CCR5AS: variants seen among roughly 807,000 people sequenced by gnomAD.
CCR5AS encodes the protein CCR5 antisense RNA.
chr3:46,394,866 G>A (rs1346430303), intron 1 of CCR5AS, among the ~76,000 whole-genome samples: 2 of 152,202 alleles, frequency 1.3e-5, no homozygotes, highest in Non-Finnish European at 2.9e-5. Flanking sequence ...GACAGGTGGG[G>A]ATGGCCTTGC....
chr3:46,401,905 A>G (rs537881006), intron 1 of CCR5AS, among the ~76,000 whole-genome samples: 1 of 152,106 alleles, frequency 6.6e-6, no homozygotes, highest in South Asian at 2.1e-4. Context: ...TACCTGTATG[A>G]AAATTTTAAA....
intron 2 of CCR5AS, chr3:46,373,597 G>C (rs1467951341): frequency 6.2e-7 from 1 of 1,613,826 alleles, no homozygotes; most frequent in East Asian, 2.2e-5. Flanking sequence ...AAGAGGCACA[G>C]GGCTGTGAGG....
At position 46,373,066 on chromosome 3, in the gene CCR5AS, T is replaced by A. The variant is rs1799863; in HGVS notation, n.392-1649A>T. 31,129 of 1,614,198 alleles carry A rather than the reference T, an allele frequency of 0.019. 349 individuals carry two copies. Among genetic ancestry groups the A allele is most frequent in the Non-Finnish European group, 0.024 (27,999 of 1,180,020 alleles). ...GGCAACATGCTGGTCATCCTCATCCTGATAAACTGCAAAAGGCTGAAGAGC... is the reference window on the plus strand; with the variant it reads ...GGCAACATGCTGGTCATCCTCATCCAGATAAACTGCAAAAGGCTGAAGAGC... On this transcript the variant is annotated intron_variant and non_coding_transcript_variant, in intron 2 of 3. Coordinates refer to ENST00000451485, the Ensembl canonical transcript of CCR5AS.
chr3:46,393,753 TAGG>T (rs1701936436), intron 1 of CCR5AS, among the ~76,000 whole-genome samples: 1 of 152,124 alleles, frequency 6.6e-6, no homozygotes, highest in South Asian at 2.1e-4. Context: ...CCAGAACACA[TAGG>T]AGGGCTTCCA....
chr3:46,370,393 T>C (rs1209193224), intron 3 of CCR5AS, among the ~76,000 whole-genome samples: 1 of 146,946 alleles, frequency 6.8e-6, no homozygotes, highest in Non-Finnish European at 1.5e-5. Context: ...TGAGCATCTG[T>C]GTGGGGGTTG....
At chr3:46,386,549 A>C (rs1289379069) in intron 2 of CCR5AS, among the ~76,000 whole-genome samples, 1 of 152,204 alleles carries the variant, frequency 6.6e-6, no homozygotes, top group Non-Finnish European at 1.5e-5. Flanking sequence ...CAGCCAGCCA[A>C]ATCCAGAATA....
chr3:46,366,461 A>C (rs1701598735), intron 3 of CCR5AS, among the ~76,000 whole-genome samples: 2 of 152,252 alleles, frequency 1.3e-5, no homozygotes, highest in African/African-American at 2.4e-5. Flanking sequence ...CCGATCTGAA[A>C]GAAATCCCCT....
chr3:46,367,045 C>T (rs1701606529), intron 3 of CCR5AS, among the ~76,000 whole-genome samples: 1 of 151,994 alleles, frequency 6.6e-6, no homozygotes, highest in Non-Finnish European at 1.5e-5. Flanking sequence ...ATAGTTAAGG[C>T]TATTTTGTTG....
At chr3:46,399,814 C>T (rs368771127) in intron 1 of CCR5AS, among the ~76,000 whole-genome samples, 5 of 151,986 alleles carry the variant, frequency 3.3e-5, no homozygotes, top group Admixed American at 2.0e-4. Flanking sequence ...GTCATTAGAA[C>T]GGGGGTGAAG....
At chr3:46,373,394 C>T in intron 2 of CCR5AS, 1 of 1,612,364 alleles carries the variant, frequency 6.2e-7, no homozygotes, top group Non-Finnish European at 8.5e-7. Context: ...TCCCAGGAAT[C>T]ATCTTTACCA....
exon 4 of CCR5AS, among the ~76,000 whole-genome samples, chr3:46,364,420 T>G (rs1701581217): frequency 6.6e-6 from 1 of 152,228 alleles, no homozygotes; most frequent in African/African-American, 2.4e-5. Flanking sequence ...ACTGAATATT[T>G]CAAGCCCACT....
At chr3:46,373,296 C>G in intron 2 of CCR5AS, 2 of 1,614,152 alleles carry the variant, frequency 1.2e-6, no homozygotes, top group South Asian at 2.2e-5. Context: ...GGCTGTCGTC[C>G]ATGCTGTGTT....
chr3:46,390,848 G>A (rs538949914), intron 2 of CCR5AS, among the ~76,000 whole-genome samples: 6 of 152,254 alleles, frequency 3.9e-5, no homozygotes, highest in East Asian at 1.9e-4. Context: ...AAGCCTCGCC[G>A]ACAATACCCA....
chr3:46,394,079 G>C (rs1040446986), intron 1 of CCR5AS, among the ~76,000 whole-genome samples: 3 of 152,144 alleles, frequency 2.0e-5, no homozygotes, highest in Non-Finnish European at 4.4e-5. Flanking sequence ...CAGCGTTTCA[G>C]TTCTCAGCAG....
At chr3:46,387,381 G>A (rs1436142066) in intron 2 of CCR5AS, among the ~76,000 whole-genome samples, 1 of 152,180 alleles carries the variant, frequency 6.6e-6, no homozygotes, top group African/African-American at 2.4e-5. Flanking sequence ...TTCCAGCACT[G>A]TCCTTTATTG....
intron 1 of CCR5AS, among the ~76,000 whole-genome samples, chr3:46,401,719 A>T (rs986329411): frequency 2.0e-5 from 3 of 151,936 alleles, no homozygotes; most frequent in Non-Finnish European, 4.4e-5. Context: ...CTGGGGCAGG[A>T]GGTGCACTAG....
chr3:46,373,336 G>C, intron 2 of CCR5AS: 1 of 1,614,160 alleles, frequency 6.2e-7, no homozygotes, highest in East Asian at 2.2e-5. Context: ...GTCACCTTTG[G>C]GGTGGTGACA....
chr3:46,391,950 T>C (rs1490917457), intron 2 of CCR5AS, among the ~76,000 whole-genome samples: 4 of 152,158 alleles, frequency 2.6e-5, no homozygotes, highest in East Asian at 3.9e-4. Flanking sequence ...ATGAGTCACA[T>C]TGGGAGCAGA....
intron 1 of CCR5AS, among the ~76,000 whole-genome samples, chr3:46,394,149 C>A (rs1701939635): frequency 6.6e-6 from 1 of 152,186 alleles, no homozygotes; most frequent in Non-Finnish European, 1.5e-5. Flanking sequence ...GTTGTCCCAG[C>A]TGAGGGCACA....
Sources: allele counts gnomAD v4.1 joint callset (sites outside exome capture counted in the v4.1 genomes callset), GRCh38; gene constraint gnomAD v4.1.1; transcripts MANE v1.5; gene names NCBI Gene and HGNC (gene_info 2026-07-23, HGNC 2026-07-21).